Variants in SLC25A13 observed in about 807,000 individuals in gnomAD.
The protein encoded by SLC25A13 is solute carrier family 25 member 13.
Under a neutral mutation model 85.5 loss-of-function variants are expected in SLC25A13, and 70 were observed. The observed-to-expected ratio is 0.82, with a 90% confidence interval of 0.68 to 1.00. SLC25A13 has a LOEUF of 1.00. Among genes scored for constraint, SLC25A13 ranks in the 50% least tolerant of loss-of-function variants. SLC25A13 has a pLI of 0.00. For synonymous variants in SLC25A13, 259 were observed against 288.7 expected, an observed-to-expected ratio of 0.90 and a Z score of 1.04; for missense variants, 765 against 819.8, an observed-to-expected ratio of 0.93 and a Z score of 0.82.
chr7:96,312,337 A>T (rs909428177), intron 1 of SLC25A13, among the ~76,000 whole-genome samples: 17 of 152,234 alleles, frequency 1.1e-4, no homozygotes, highest in African/African-American at 3.9e-4. Context: ...TGAAGATTGC[A>T]TTAGTAGATA....
At chr7:96,283,925 G>C (rs1798785302) in intron 2 of SLC25A13, 1 of 150,266 alleles carries the variant, frequency 6.7e-6, no homozygotes, top group Non-Finnish European at 1.5e-5. Flanking sequence ...CTAATTAACT[G>C]TATAATGTCT....
At chr7:96,306,398 C>T (rs549043883) in intron 1 of SLC25A13, among the ~76,000 whole-genome samples, 103 of 152,368 alleles carry the variant, frequency 6.8e-4, no homozygotes, top group South Asian at 3.5e-3. Flanking sequence ...TTGCTGTTCC[C>T]GGTTCTCCTC....
chr7:96,260,735 A>C (rs1194398594), intron 3 of SLC25A13, among the ~76,000 whole-genome samples: 1 of 152,054 alleles, frequency 6.6e-6, no homozygotes, highest in Non-Finnish European at 1.5e-5. Flanking sequence ...AAAATCCCAA[A>C]TCCAACCACT....
At chr7:96,129,889 C>T (rs1177370659) in intron 15 of SLC25A13, among the ~76,000 whole-genome samples, 1 of 152,080 alleles carries the variant, frequency 6.6e-6, no homozygotes, top group Non-Finnish European at 1.5e-5. Context: ...TAAGACACAA[C>T]CTTAAGTGAA....
At position 96,322,007 on chromosome 7, in the gene SLC25A13, C is replaced by A; in HGVS notation, c.-51G>T. The A allele has an allele frequency of 2.0e-6, 3 of 1,531,564 alleles. No homozygotes were observed. Among genetic ancestry groups the A allele is most frequent in the Non-Finnish European group, 2.6e-6 (3 of 1,139,634 alleles). 94.9% of individuals were successfully genotyped at this position (1,531,564 alleles called of 1,614,324 possible). A position where few individuals can be genotyped will look rare whatever the true frequency, so the allele number is the denominator to read the frequency against. On this transcript the variant is annotated 5_prime_UTR_variant, in exon 1 of 18. Transcript: ENST00000265631. ...CGGGACCCACTGACTGGCTGGCTGG[C>A]GTTTGGGACCCGGGCGGCTCACTTC...
At chr7:96,158,741 A>T (rs1301176059) in intron 13 of SLC25A13, among the ~76,000 whole-genome samples, 1 of 152,246 alleles carries the variant, frequency 6.6e-6, no homozygotes, top group Admixed American at 6.5e-5. Flanking sequence ...ACACAATTGT[A>T]ACTACAAACA....
intron 9 of SLC25A13, 44 bp from the exon 10 acceptor site, chr7:96,185,055 C>T: frequency 6.5e-7 from 1 of 1,527,776 alleles, no homozygotes; most frequent in South Asian, 1.2e-5. Context: ...AAACAGGTGA[C>T]AGAAAAGAAG....
At chr7:96,177,563 A>C (rs1473333550) in intron 11 of SLC25A13, among the ~76,000 whole-genome samples, 1 of 152,182 alleles carries the variant, frequency 6.6e-6, no homozygotes, top group East Asian at 1.9e-4. Flanking sequence ...CTTAGTTTCC[A>C]CATCTGTAGA....
At position 96,120,526 on chromosome 7, in the gene SLC25A13, G is replaced by A. The variant is rs1791455625; in HGVS notation, c.*665C>T. 2.2e-6 allele frequency: 1 copy of A among 454,362 alleles called. No individual in the cohort carries two copies. The highest frequency in any genetic ancestry group is 2.0e-5 in the African/African-American group (1 of 49,988). The allele number at this position is 454,362 out of a possible 1,614,324, so 28.1% of individuals were successfully genotyped here. On this transcript the variant is annotated 3_prime_UTR_variant, in exon 18 of 18. Transcript: ENST00000265631. ...GAGGGGCTACATCTCAGTTTTTTCT[G>A]TCTGTACAGTAAAATGCCAAAAGTA...
At chr7:96,286,532 A>G (rs951223356) in intron 2 of SLC25A13, among the ~76,000 whole-genome samples, 1 of 152,130 alleles carries the variant, frequency 6.6e-6, no homozygotes, top group African/African-American at 2.4e-5. Flanking sequence ...TTCAAACATT[A>G]CCACCTCTCC....
intron 5 of SLC25A13, among the ~76,000 whole-genome samples, chr7:96,194,223 C>T (rs1028129150): frequency 6.6e-6 from 1 of 150,806 alleles, no homozygotes; most frequent in Non-Finnish European, 1.5e-5. Context: ...TCCCTTGAGC[C>T]CAGTAGTTCC....
intron 4 of SLC25A13, among the ~76,000 whole-genome samples, chr7:96,226,337 T>C (rs74943498): frequency 0.013 from 1,933 of 152,330 alleles, 38 homozygotes; most frequent in African/African-American, 0.044. Context: ...TTGTCATGTA[T>C]GGCAGGACTT....
chr7:96,183,194 G>T (rs975585488), intron 11 of SLC25A13, among the ~76,000 whole-genome samples: 2 of 152,190 alleles, frequency 1.3e-5, no homozygotes, highest in Non-Finnish European at 2.9e-5. Flanking sequence ...TTTGATGGGG[G>T]CTACCTACCT....
chr7:96,308,602 G>C (rs1353833381), intron 1 of SLC25A13, among the ~76,000 whole-genome samples: 2 of 152,154 alleles, frequency 1.3e-5, no homozygotes, highest in East Asian at 3.9e-4. Context: ...ATTTCAAAAA[G>C]TACTAGAAAA....
chr7:96,146,798 A>C, intron 13 of SLC25A13, 102 bp from the exon 14 acceptor site: 4 of 1,367,616 alleles, frequency 2.9e-6, no homozygotes, highest in Non-Finnish European at 4.2e-6. Context: ...TTCTATCCTC[A>C]AGAGAATGTA....
chr7:96,124,136 G>T (rs1334512139), intron 15 of SLC25A13, among the ~76,000 whole-genome samples: 2 of 152,108 alleles, frequency 1.3e-5, no homozygotes, highest in Non-Finnish European at 2.9e-5. Context: ...GTCTTCAAAG[G>T]GGGCCCAGCT....
intron 3 of SLC25A13, among the ~76,000 whole-genome samples, chr7:96,257,768 A>G (rs1315289678): frequency 2.0e-5 from 3 of 152,214 alleles, no homozygotes; most frequent in Non-Finnish European, 4.4e-5. Context: ...ACAAAAAAAG[A>G]AAATTGCAGG....
At chr7:96,122,262 A>G (rs1454749673) in intron 15 of SLC25A13, among the ~76,000 whole-genome samples, 1 of 152,188 alleles carries the variant, frequency 6.6e-6, no homozygotes, top group East Asian at 1.9e-4. Flanking sequence ...AAATCTTTAA[A>G]TATTTTTAAG....
At chr7:96,241,901 C>T (rs753917579) in intron 3 of SLC25A13, among the ~76,000 whole-genome samples, 11 of 152,160 alleles carry the variant, frequency 7.2e-5, no homozygotes, top group Non-Finnish European at 1.3e-4. Flanking sequence ...CTCGCTTATT[C>T]TCACTCAGCA....
Sources: allele counts gnomAD v4.1 joint callset (sites outside exome capture counted in the v4.1 genomes callset), GRCh38; gene constraint gnomAD v4.1.1; transcripts MANE v1.5; gene names NCBI Gene and HGNC (gene_info 2026-07-23, HGNC 2026-07-21).